The following LOXL3 variants were observed in gnomAD, a reference collection of about 807,000 sequenced individuals.
The protein encoded by LOXL3 is lysyl oxidase like 3.
Under a neutral mutation model 91.8 loss-of-function variants are expected in LOXL3, and 60 were observed. That is an observed-to-expected ratio of 0.65 (90% confidence interval 0.53 to 0.81). The LOEUF (loss-of-function observed/expected upper bound fraction) is 0.81. Ranked by LOEUF, LOXL3 falls within the 30% of genes least tolerant of loss-of-function variation. The probability of loss-of-function intolerance (pLI) is 0.00; values close to 1 mark genes in which losing one functional copy is unlikely to be tolerated. For missense variants in LOXL3, 874 were observed against 1,000.4 expected, an observed-to-expected ratio of 0.87 and a Z score of 1.70; for synonymous variants, 355 against 387.6, an observed-to-expected ratio of 0.92 and a Z score of 0.99.
At position 74,552,516 on chromosome 2, in the gene LOXL3, T is replaced by A; in HGVS notation, c.119A>T (p.Gln40Leu). The change falls in exon 2 of 14, where the codon CAG (glutamine) becomes CTG (leucine). Residue 40 changes from glutamine (Q) to leucine (L), a missense_variant. By Grantham distance (113) the Gln-to-Leu change is moderately radical (BLOSUM62 -2). Coordinates refer to ENST00000264094, the MANE Select transcript of LOXL3 (RefSeq NM_032603.5). ...GCCAGCCAGCCGGAACCGAAGCCCC[T>A]GGCTCCCGGCCTTCTTCTCAGGGCC... ...STGPEKKAGSQGLRFRLAGFP... is the reference protein window; with the variant it reads ...STGPEKKAGSLGLRFRLAGFP... The A allele has an allele frequency of 1.2e-6, 2 of 1,613,466 alleles. No individual in the cohort carries two copies. Among genetic ancestry groups the A allele is most frequent in the Non-Finnish European group, 1.7e-6 (2 of 1,179,912 alleles).
rs141836919 is a variant in LOXL3 at position 74,541,769 on chromosome 2, TTA to T, written c.693-4843_693-4842del. Reference sequence around the variant, plus strand: ...TTATATCAACAGGTCTTTGTATTATTTATATATATATATACACAAACATATGT... The same window carrying T: ...TTATATCAACAGGTCTTTGTATTATTTATATATATATACACAAACATATGT... On this transcript the variant is annotated intron_variant, in intron 4 of 13. Transcript: ENST00000264094. 5.0e-4 allele frequency among the ~76,000 whole-genome samples: 75 copies of T among 150,454 alleles called. 1 individual carries two copies. Among genetic ancestry groups the T allele is most frequent in the African/African-American group, 1.7e-3 (69 of 41,108 alleles).
intron 9 of LOXL3, among the ~76,000 whole-genome samples, chr2:74,534,979 A>G (rs1472947598): frequency 6.6e-6 from 1 of 152,170 alleles, no homozygotes; most frequent in Admixed American, 6.5e-5. Context: ...CCTGGGTTCA[A>G]GTGATTCTCC....
chr2:74,533,134 C>T lies in LOXL3; in HGVS notation c.*472G>A. On this transcript the variant is annotated 3_prime_UTR_variant, in exon 14 of 14. Transcript: ENST00000264094. ...CACTGACTCCTGGGCTCTGAAGAAT[C>T]ACAGAAACACTTTTTATATAAAATA... 1 of 661,032 alleles carries T rather than the reference C, an allele frequency of 1.5e-6. No homozygotes were observed. The highest frequency in any genetic ancestry group is 1.8e-5 in the African/African-American group (1 of 54,624). The allele number at this position is 661,032 out of a possible 1,614,324, so 40.9% of individuals were successfully genotyped here.
In LOXL3 at chr2:74,549,310, T is replaced by C. The variant is rs747208988; in HGVS notation, c.692+59A>G. The C allele has an allele frequency of 2.1e-4, 309 of 1,494,142 alleles. No homozygotes were observed. The highest frequency in any genetic ancestry group is 2.7e-4 in the Non-Finnish European group (298 of 1,116,410). 92.6% of individuals were successfully genotyped at this position (1,494,142 alleles called of 1,614,324 possible). A position where few individuals can be genotyped will look rare whatever the true frequency, so the allele number is the denominator to read the frequency against. Reference sequence around the variant, plus strand: ...GACCTGCTCAGATGTCTCCCAAGGCTATTCATCAGGGAGCACCCCAATCCC... The same window carrying C: ...GACCTGCTCAGATGTCTCCCAAGGCCATTCATCAGGGAGCACCCCAATCCC... On this transcript the variant is annotated intron_variant, in intron 4 of 13. Coordinates refer to ENST00000264094, the MANE Select transcript of LOXL3 (RefSeq NM_032603.5). This position sits in a 1 kb window ranked among gnomAD's most constrained non-coding sequence, Gnocchi z 5.3.
chr2:74,544,267 A>C (rs1010069522), intron 4 of LOXL3, among the ~76,000 whole-genome samples: 3 of 150,534 alleles, frequency 2.0e-5, no homozygotes, highest in Admixed American at 6.6e-5. Flanking sequence ...GTGCCACTGC[A>C]CTCCAGCCTG....
intron 2 of LOXL3, 96 bp downstream of exon 2, chr2:74,552,226 C>T (rs575541520): frequency 9.3e-5 from 104 of 1,123,230 alleles, no homozygotes; most frequent in Non-Finnish European, 1.2e-4. Context: ...TTCTTGGTGT[C>T]GTGTGTCCCT....
At chr2:74,534,061 C>T in intron 12 of LOXL3, 39 bp downstream of exon 12, 1 of 1,612,520 alleles carries the variant, frequency 6.2e-7, no homozygotes, top group Non-Finnish European at 8.5e-7. Flanking sequence ...TTTAACGCTC[C>T]CCCCACTCAC....
rs377053459 is a variant in LOXL3, at chr2:74,532,805, C to T, written c.*801G>A. The stretch of plus-strand genomic sequence containing the variant: ...TTGTACTCCTTCCTTTCTCTCTGTC[C>T]ATTTTTCTCTATAGGGCTGGTCTGC... On this transcript the variant is annotated 3_prime_UTR_variant, in exon 14 of 14. Coordinates refer to ENST00000264094, the MANE Select transcript of LOXL3 (RefSeq NM_032603.5). The T allele has an allele frequency of 2.5e-6, 4 of 1,613,934 alleles. No homozygotes were observed. Among genetic ancestry groups the T allele is most frequent in the African/African-American group, 1.3e-5 (1 of 74,880 alleles).
Position 74,533,647 on chromosome 2 carries a change from ACCT to A in LOXL3, c.2218_2220del (p.Arg740del), listed in dbSNP as rs751031003. On this transcript the variant is annotated inframe_deletion, in exon 14 of 14. Transcript: ENST00000264094. ...CTGGTCTGGCCAGGGTAGCGTTCAA[ACCT>A]CCTGTTGGCCTCTTCACTGAAGGCA... 4 of 1,613,442 alleles carry A rather than the reference ACCT, an allele frequency of 2.5e-6. No individual in the cohort carries two copies. The highest frequency in any genetic ancestry group is 3.4e-6 in the Non-Finnish European group (4 of 1,179,888).
At chr2:74,546,697 C>T (rs1293985818) in intron 4 of LOXL3, among the ~76,000 whole-genome samples, 1 of 152,116 alleles carries the variant, frequency 6.6e-6, no homozygotes, top group East Asian at 1.9e-4. Context: ...TATTTATTTA[C>T]TTACTTACTT....
upstream of LOXL3, chr2:74,555,638 G>C (rs1330810654): frequency 6.2e-7 from 1 of 1,614,152 alleles, no homozygotes; most frequent in Admixed American, 1.7e-5. The surrounding 1 kb of genome is among the most constrained non-coding windows in gnomAD (Gnocchi z 6.1). Flanking sequence ...GGAGATGCTG[G>C]AGAACTCCTT....
intron 4 of LOXL3, among the ~76,000 whole-genome samples, chr2:74,537,798 G>A (rs1246234198): frequency 2.6e-5 from 4 of 152,166 alleles, no homozygotes; most frequent in South Asian, 2.1e-4. Context: ...CTTCTTTATC[G>A]ATACCAGTAG....
chr2:74,551,649 C>A (rs1401798275), intron 2 of LOXL3, among the ~76,000 whole-genome samples: 1 of 152,198 alleles, frequency 6.6e-6, no homozygotes, highest in African/African-American at 2.4e-5. Context: ...TTCTACTGTC[C>A]CTCTTAAAAC....
Position 74,535,813 on chromosome 2 carries a change from C to T in LOXL3, c.1249-58G>A. The T allele has an allele frequency of 6.6e-7, 1 of 1,516,328 alleles. No individual in the cohort carries two copies. The highest frequency in any genetic ancestry group is 8.8e-7 in the Non-Finnish European group (1 of 1,136,598). The allele number at this position is 1,516,328 out of a possible 1,614,324, so 93.9% of individuals were successfully genotyped here. ...AGCTTTGGGGTGAGGTAGTGGGAGTCTCTAACAGATGTGGCTGAAGCGTGA... is the reference window on the plus strand; with the variant it reads ...AGCTTTGGGGTGAGGTAGTGGGAGTTTCTAACAGATGTGGCTGAAGCGTGA... On this transcript the variant is annotated intron_variant, in intron 7 of 13. Transcript: ENST00000264094. This position sits in a 1 kb window ranked among gnomAD's most constrained non-coding sequence, Gnocchi z 4.2.
At chr2:74,554,768 T>G (rs910621810), upstream of LOXL3, 4 of 1,613,246 alleles carry the variant, frequency 2.5e-6, no homozygotes, top group East Asian at 2.2e-5. This position sits in a 1 kb window ranked among gnomAD's most constrained non-coding sequence, Gnocchi z 4.9. Context: ...GACGGAGCAG[T>G]GATGGAAGGG....
At chr2:74,539,675 C>G (rs978386660) in intron 4 of LOXL3, 1 of 152,548 alleles carries the variant, frequency 6.6e-6, no homozygotes, top group Non-Finnish European at 1.5e-5. Context: ...AAGCCATTTT[C>G]CTCACATCCC....
intron 13 of LOXL3, 50 bp downstream of exon 13, chr2:74,533,832 C>G (rs766158287): frequency 6.6e-7 from 1 of 1,515,712 alleles, no homozygotes; most frequent in Non-Finnish European, 9.1e-7. Context: ...GAATGAACGT[C>G]TTTCCCTCCC....
upstream of LOXL3, chr2:74,555,316 C>T: frequency 6.2e-7 from 1 of 1,614,066 alleles, no homozygotes; most frequent in Non-Finnish European, 8.5e-7. The surrounding 1 kb of genome is among the most constrained non-coding windows in gnomAD (Gnocchi z 6.1). Flanking sequence ...GAGTGTGGCC[C>T]CCGTCACCGT....
Position 74,536,605 on chromosome 2 carries a change from G to A in LOXL3, c.912+104C>T. 3 of 1,459,688 alleles carry A rather than the reference G, an allele frequency of 2.1e-6. No individual in the cohort carries two copies. In the South Asian group the frequency reaches 3.8e-5, roughly 18 times the overall value. The allele number at this position is 1,459,688 out of a possible 1,614,324, so 90.4% of individuals were successfully genotyped here. A position where few individuals can be genotyped will look rare whatever the true frequency, so the allele number is the denominator to read the frequency against. ...AGGTCTGTGGCCCACCCCCTGGAAG[G>A]CTCCTCTCTGTCCTCAAAGGTCAGG... On this transcript the variant is annotated intron_variant, in intron 5 of 13. Coordinates refer to ENST00000264094, the MANE Select transcript of LOXL3 (RefSeq NM_032603.5). The surrounding 1 kb of genome is among the most constrained non-coding windows in gnomAD (Gnocchi z 4.5).
Sources: gnomAD v4.1 joint callset for allele counts (sites outside exome capture counted in the v4.1 genomes callset) on GRCh38, gnomAD v4.1.1 for gene constraint, Gnocchi (gnomAD v3.1) non-coding constraint, MANE v1.5 for transcripts, NCBI Gene and HGNC (gene_info 2026-07-23, HGNC 2026-07-21) for gene names.